CRAMP1: variants seen among roughly 807,000 people sequenced by gnomAD.
The protein encoded by CRAMP1 is cramped chromatin regulator 1, also known as protein cramped-like.
Under a neutral mutation model 115.4 loss-of-function variants are expected in CRAMP1, and 50 were observed. The observed-to-expected ratio is 0.43, with a 90% CI of 0.35 to 0.55. CRAMP1 has a LOEUF of 0.55. Among genes scored for constraint, CRAMP1 ranks in the 20% least tolerant of loss-of-function variants. The pLI, the probability that CRAMP1 is intolerant of heterozygous loss-of-function variation, is 0.01. For synonymous variants in CRAMP1, 866 were observed against 745.4 expected, an observed-to-expected ratio of 1.16 and a Z score of -2.64; for missense variants, 1,679 against 1,721.7, an observed-to-expected ratio of 0.98 and a Z score of 0.44.
At chr16:1,654,949 C>T (rs1033284986) in intron 8 of CRAMP1, among the ~76,000 whole-genome samples, 3 of 152,280 alleles carry the variant, frequency 2.0e-5, no homozygotes, top group Non-Finnish European at 4.4e-5. Context: ...CCCACGCCCA[C>T]GCCCTGGCGG....
rs558055309 is a variant in CRAMP1, at chr16:1,630,845, C to T, written c.541-1367C>T. On this transcript the variant is annotated intron_variant, in intron 3 of 20. Coordinates refer to ENST00000397412, the MANE Select transcript of CRAMP1 (RefSeq NM_020825.4). ...GCAGTTTCCTCATGATTCTATGTTA[C>T]GCATTTCTGTCAAGAATTCCACAGC... is the stretch of plus-strand genomic sequence containing the variant. Among the ~76,000 whole-genome samples the T allele has an allele frequency of 2.9e-3, 443 of 152,350 alleles. 3 individuals carry two copies. The highest frequency in any genetic ancestry group is 4.9e-3 in the Non-Finnish European group (333 of 68,044).
intron 6 of CRAMP1, among the ~76,000 whole-genome samples, 169 bp from the exon 7 acceptor site, chr16:1,652,327 C>T (rs1280474995): frequency 6.6e-6 from 1 of 152,226 alleles, no homozygotes; most frequent in Non-Finnish European, 1.5e-5. Context: ...AGAGTCACCA[C>T]TTCTTGTTTG....
At chr16:1,652,371 G>C in intron 6 of CRAMP1, 125 bp from the exon 7 acceptor site, 1 of 737,144 alleles carries the variant, frequency 1.4e-6, no homozygotes, top group African/African-American at 1.8e-5. Flanking sequence ...ACGCGGGCTC[G>C]AGAGGCTGGG....
In CRAMP1 at chr16:1,639,760, G is replaced by T. The variant is rs2036616575; in HGVS notation, c.779-1379G>T. Among the ~76,000 whole-genome samples, 6 of 152,186 alleles carry T rather than the reference G, an allele frequency of 3.9e-5. 1 individual carries two copies. The South Asian group carries it at 1.2e-3, about 31-fold the overall frequency. Reference sequence around the variant, plus strand: ...TTCCCATCTGCCATGAAGAAAGAAGGGGAGGGGGCGTTGCAAAGGGAATAG... The same window carrying T: ...TTCCCATCTGCCATGAAGAAAGAAGTGGAGGGGGCGTTGCAAAGGGAATAG... On this transcript the variant is annotated intron_variant, in intron 5 of 20. Transcript: ENST00000397412.
intron 8 of CRAMP1, 60 bp from the exon 9 acceptor site, chr16:1,655,159 T>G: frequency 3.5e-6 from 5 of 1,448,410 alleles, no homozygotes; most frequent in Non-Finnish European, 4.9e-6. Context: ...CTCGGGACTC[T>G]TCAGATGGTT....
intron 2 of CRAMP1, among the ~76,000 whole-genome samples, chr16:1,619,820 A>T (rs1414235221): frequency 1.3e-5 from 2 of 152,142 alleles, no homozygotes; most frequent in Non-Finnish European, 2.9e-5. Flanking sequence ...CGTGGAGACC[A>T]TTAGGTTTTA....
intron 11 of CRAMP1, 144 bp downstream of exon 11, chr16:1,660,207 G>T (rs570205605): frequency 1.2e-5 from 8 of 677,120 alleles, no homozygotes; most frequent in Admixed American, 3.6e-5. Flanking sequence ...ATGACAGGGT[G>T]AAGGTGCAGA....
chr16:1,662,532 C>G lies in CRAMP1; in HGVS notation c.2456C>G (p.Ser819Cys). 6.2e-7 allele frequency: 1 copy of G among 1,613,978 alleles called. No homozygotes were observed. The highest frequency in any genetic ancestry group is 2.2e-5 in the East Asian group (1 of 44,892). Residue 819 changes from serine to cysteine, a missense_variant, in exon 12 of 21, where the codon TCC becomes TGC. This residue lies in a region of CRAMP1 where 709 missense variants were observed against 741.9 expected (regional missense o/e 0.96). Coordinates refer to ENST00000397412, the MANE Select transcript of CRAMP1 (RefSeq NM_020825.4). ...AGACCCCTCTTGGTGCCTGGTCCCT[C>G]CAGCACAGGAAGCAATGACTCAGAT... ...PPRPLLVPGP[S>C]STGSNDSDGG...
intron 4 of CRAMP1, among the ~76,000 whole-genome samples, chr16:1,634,793 G>T (rs1436865934): frequency 1.3e-5 from 2 of 152,354 alleles, no homozygotes; most frequent in African/African-American, 4.8e-5. Context: ...GAGGCTGGAG[G>T]CCACTAGGAC....
chr16:1,625,907 G>A, intron 2 of CRAMP1, 66 bp from the exon 3 acceptor site: 1 of 1,489,390 alleles, frequency 6.7e-7, no homozygotes, highest in Non-Finnish European at 9.1e-7. Context: ...CCTCCCACCG[G>A]CCCTCTACCC....
In CRAMP1 at chr16:1,674,451, G is replaced by T; in HGVS notation, c.*406G>T. 1 of 206,826 alleles carries T rather than the reference G, an allele frequency of 4.8e-6. No homozygotes were observed. Among genetic ancestry groups the T allele is most frequent in the Non-Finnish European group, 9.9e-6 (1 of 101,232 alleles). The allele number at this position is 206,826 out of a possible 1,614,324, so 12.8% of individuals were successfully genotyped here. On this transcript the variant is annotated 3_prime_UTR_variant, in exon 21 of 21. Transcript: ENST00000397412. The stretch of plus-strand genomic sequence containing the variant: ...AGGAGCTGTGATCTCCCTCTCTGCA[G>T]GGAGGCCCCAGCCCCTGCTGCTTGC...
At position 1,668,108 on chromosome 16, in the gene CRAMP1, A is replaced by G. The variant is rs1259200529; in HGVS notation, c.3249A>G (p.Pro1083=). ...TGCTCGACATCTCCCTGCCCGGCCC[A>G]CCTGAGGATGCGCTGTCACAGGGCG... ...SALLDISLPG[P]PEDALSQGEP... is the part of the protein sequence containing the mutation. The change falls in exon 18 of 21, where the codon CCA becomes CCG. Residue 1083 remains proline, a synonymous_variant. Transcript: ENST00000397412. The G allele has an allele frequency of 6.2e-7, 1 of 1,613,332 alleles. No homozygotes were observed. Among genetic ancestry groups the G allele is most frequent in the African/African-American group, 1.3e-5 (1 of 74,850 alleles).
intron 5 of CRAMP1, among the ~76,000 whole-genome samples, chr16:1,638,334 A>T (rs916316947): frequency 6.6e-6 from 1 of 152,318 alleles, no homozygotes; most frequent in East Asian, 1.9e-4. Flanking sequence ...CAGATTTTCT[A>T]AAACATCCCA....
intron 11 of CRAMP1, among the ~76,000 whole-genome samples, chr16:1,660,531 C>A (rs916118129): frequency 6.6e-6 from 1 of 152,202 alleles, no homozygotes; most frequent in African/African-American, 2.4e-5. Context: ...CAGTCTACCC[C>A]AGCTGCGTAT....
chr16:1,643,169 G>A (rs912243654), intron 6 of CRAMP1, among the ~76,000 whole-genome samples: 3 of 152,150 alleles, frequency 2.0e-5, no homozygotes, highest in Non-Finnish European at 1.5e-5. Context: ...GTAGTCTCCC[G>A]AGTGATGACA....
chr16:1,616,819 T>C (rs188584039), intron 2 of CRAMP1, among the ~76,000 whole-genome samples: 1 of 137,858 alleles, frequency 7.3e-6, no homozygotes, highest in Non-Finnish European at 1.5e-5. Context: ...CAAATATATC[T>C]TTTTTTTTTT....
In CRAMP1 at chr16:1,674,949, G is replaced by C. The variant is rs968233109; in HGVS notation, c.*904G>C. On this transcript the variant is annotated 3_prime_UTR_variant, in exon 21 of 21. Coordinates refer to ENST00000397412, the MANE Select transcript of CRAMP1 (RefSeq NM_020825.4). ...ACTTTCCTGATAAGTTCTCAAACTC[G>C]ATGTGTGACTGTTTGGCACTTGAGA... The C allele has an allele frequency of 2.0e-5, 3 of 152,232 alleles. No individual in the cohort carries two copies. The highest frequency in any genetic ancestry group is 4.4e-5 in the Non-Finnish European group (3 of 68,046). 9.4% of individuals were successfully genotyped at this position (152,232 alleles called of 1,614,324 possible).
Position 1,614,801 on chromosome 16 carries a change from C to A in CRAMP1, c.162C>A (p.Ala54=). The A allele has an allele frequency of 7.8e-7, 1 of 1,283,568 alleles. No individual in the cohort carries two copies. The highest frequency in any genetic ancestry group is 9.8e-7 in the Non-Finnish European group (1 of 1,017,404). 79.5% of individuals were successfully genotyped at this position (1,283,568 alleles called of 1,614,324 possible). Residue 54 remains alanine, a synonymous_variant, in exon 2 of 21, where the codon GCC becomes GCA. Transcript: ENST00000397412. This position sits in a 1 kb window ranked among gnomAD's most constrained non-coding sequence, Gnocchi z 4.4. ...GTKRDEKTPR[A]GADGPPAPPG... ...AGAGGGACGAGAAGACCCCCCGGGC[C>A]GGCGCCGACGGCCCCCCCGCGCCCC...
At chr16:1,657,022 C>T (rs745996213) in intron 10 of CRAMP1, 30 bp downstream of exon 10, 16 of 1,471,600 alleles carry the variant, frequency 1.1e-5, no homozygotes, top group South Asian at 1.4e-5. Context: ...GCCCCTCTGG[C>T]GGCCCAAGGG....
Sources: gnomAD v4.1 joint callset for allele counts (sites outside exome capture counted in the v4.1 genomes callset) on GRCh38, gnomAD v4.1.1 for gene constraint, gnomAD v4.1.1 regional missense constraint, Gnocchi (gnomAD v3.1) non-coding constraint, MANE v1.5 for transcripts, NCBI Gene and HGNC (gene_info 2026-07-23, HGNC 2026-07-21) for gene names.